RUNX2: variants seen among roughly 807,000 people sequenced by gnomAD.
RUNX2 encodes the protein runt-related transcription factor 2.
A neutral mutation model predicts 51.7 loss-of-function variants in RUNX2; 10 were observed. The ratio of observed to expected loss-of-function variants is 0.19; its 90% CI spans 0.12 to 0.33. The LOEUF (loss-of-function observed/expected upper bound fraction) is 0.33, where lower values mean the gene tolerates loss of function less well. Among genes scored for constraint, RUNX2 ranks in the 10% least tolerant of loss-of-function variants. The probability of loss-of-function intolerance (pLI) is 1.00; values close to 1 mark genes in which losing one functional copy is unlikely to be tolerated. For synonymous variants in RUNX2, 276 were observed against 273.6 expected, an observed-to-expected ratio of 1.01 and a Z score of -0.09; for missense variants, 562 against 691.3, an observed-to-expected ratio of 0.81 and a Z score of 2.10.
At chr6:45,443,114 A>G (rs1193276969) in intron 5 of RUNX2, among the ~76,000 whole-genome samples, 1 of 138,786 alleles carries the variant, frequency 7.2e-6, no homozygotes, top group Non-Finnish European at 1.5e-5. Flanking sequence ...TGCCATGATC[A>G]TAGCTAACTC....
chr6:45,519,788 ATATGTG>A (rs1288177946), intron 7 of RUNX2, among the ~76,000 whole-genome samples: 50 of 118,908 alleles, frequency 4.2e-4, no homozygotes, highest in African/African-American at 1.5e-3. Flanking sequence ...ATATATATAT[ATATGTG>A]TGTGTGTGTG....
chr6:45,404,291 A>G (rs1389559373), intron 2 of RUNX2, among the ~76,000 whole-genome samples: 3 of 136,652 alleles, frequency 2.2e-5, no homozygotes, highest in African/African-American at 5.5e-5. Flanking sequence ...GAAAAAAGAA[A>G]AAAAAAAGGA....
intron 5 of RUNX2, among the ~76,000 whole-genome samples, chr6:45,457,760 A>G (rs1418989467): frequency 6.6e-6 from 1 of 152,192 alleles, no homozygotes. Flanking sequence ...AGGCTGGCCC[A>G]TAGAACAAAG....
At chr6:45,519,401 G>A (rs576113241) in intron 7 of RUNX2, among the ~76,000 whole-genome samples, 9 of 152,134 alleles carry the variant, frequency 5.9e-5, no homozygotes, top group South Asian at 2.1e-4. Flanking sequence ...ATGAAATAAC[G>A]TCCATAGTTT....
At chr6:45,497,634 G>T (rs939754919) in intron 6 of RUNX2, among the ~76,000 whole-genome samples, 1 of 152,046 alleles carries the variant, frequency 6.6e-6, no homozygotes, top group African/African-American at 2.4e-5. Context: ...AAGCAGAGTC[G>T]AATCAGGCTC....
At chr6:45,351,133 T>C (rs1791934655) in intron 2 of RUNX2, among the ~76,000 whole-genome samples, 1 of 152,260 alleles carries the variant, frequency 6.6e-6, no homozygotes, top group East Asian at 1.9e-4. Context: ...TCCACGAAAC[T>C]GGTCCCTGCT....
chr6:45,492,503 A>G (rs769136206), intron 6 of RUNX2, among the ~76,000 whole-genome samples: 1 of 152,202 alleles, frequency 6.6e-6, no homozygotes, highest in Non-Finnish European at 1.5e-5. Context: ...CATTTCTTAC[A>G]TGTATAACTA....
intron 5 of RUNX2, among the ~76,000 whole-genome samples, chr6:45,491,618 G>GTTTT (rs1476747280): frequency 1.5e-4 from 16 of 105,254 alleles, no homozygotes; most frequent in African/African-American, 3.0e-4. Context: ...CATCTCTCCT[G>GTTTT]TTTGTTTTTT....
At chr6:45,493,045 A>G (rs1800535142) in intron 6 of RUNX2, among the ~76,000 whole-genome samples, 1 of 152,154 alleles carries the variant, frequency 6.6e-6, no homozygotes, top group Non-Finnish European at 1.5e-5. Context: ...GTTAGGCTCG[A>G]ATGTTCTTAA....
At chr6:45,499,214 CT>C (rs1252220078) in intron 6 of RUNX2, among the ~76,000 whole-genome samples, 2 of 152,180 alleles carry the variant, frequency 1.3e-5, no homozygotes, top group Non-Finnish European at 2.9e-5. Context: ...GTTGTAATTT[CT>C]GAAGTTCCTG....
intron 2 of RUNX2, among the ~76,000 whole-genome samples, chr6:45,346,261 G>A (rs919325850): frequency 6.6e-6 from 1 of 152,108 alleles, no homozygotes; most frequent in Admixed American, 6.5e-5. Context: ...TGATACTGAA[G>A]TTTTTAAATT....
chr6:45,496,092 T>C (rs1384610713), intron 6 of RUNX2, among the ~76,000 whole-genome samples: 1 of 152,136 alleles, frequency 6.6e-6, no homozygotes, highest in Admixed American at 6.5e-5. Context: ...ACACCTAGTC[T>C]GTCACAAATG....
intron 2 of RUNX2, among the ~76,000 whole-genome samples, chr6:45,352,330 A>G (rs1792239576): frequency 6.6e-6 from 1 of 152,200 alleles, no homozygotes; most frequent in Non-Finnish European, 1.5e-5. Flanking sequence ...ACCAAAGATC[A>G]AGTAGTTTTT....
chr6:45,465,416 A>G (rs1048764747), intron 5 of RUNX2, among the ~76,000 whole-genome samples: 14 of 152,068 alleles, frequency 9.2e-5, no homozygotes, highest in African/African-American at 2.4e-4. Context: ...CAAGAGTCCT[A>G]TTCTCAAAGG....
chr6:45,432,436 G>T (rs1029330733), intron 4 of RUNX2, among the ~76,000 whole-genome samples: 1 of 152,122 alleles, frequency 6.6e-6, no homozygotes, highest in Non-Finnish European at 1.5e-5. Flanking sequence ...CTGGCATAAT[G>T]CTCTTCACTT....
intron 5 of RUNX2, among the ~76,000 whole-genome samples, chr6:45,488,688 A>G (rs1800358116): frequency 6.7e-6 from 1 of 148,966 alleles, no homozygotes; most frequent in Non-Finnish European, 1.5e-5. Context: ...GAATTTTCTT[A>G]TTCAGCAATG....
chr6:45,338,442 C>T (rs896470376), intron 2 of RUNX2, among the ~76,000 whole-genome samples: 4 of 151,846 alleles, frequency 2.6e-5, no homozygotes. Context: ...CAAATGATCA[C>T]ATATAAGCTT....
At chr6:45,457,048 G>A (rs1001932763) in intron 5 of RUNX2, among the ~76,000 whole-genome samples, 1 of 152,104 alleles carries the variant, frequency 6.6e-6, no homozygotes, top group African/African-American at 2.4e-5. Context: ...CTAACTAGAA[G>A]CTAGCCAATT....
At chr6:45,501,852 C>A (rs1314310517) in intron 6 of RUNX2, among the ~76,000 whole-genome samples, 4 of 152,184 alleles carry the variant, frequency 2.6e-5, no homozygotes, top group Non-Finnish European at 5.9e-5. Context: ...AGCAAGTCAA[C>A]ACCAACAGTG....
Sources: gnomAD v4.1 joint callset for allele counts (sites outside exome capture counted in the v4.1 genomes callset) on GRCh38, gnomAD v4.1.1 for gene constraint, MANE v1.5 for transcripts, NCBI Gene and HGNC (gene_info 2026-07-23, HGNC 2026-07-21) for gene names.